PLA2R1: variants seen among roughly 807,000 people sequenced by gnomAD.
The protein encoded by PLA2R1 is secretory phospholipase A2 receptor.
A neutral mutation model predicts 195.9 loss-of-function variants in PLA2R1; 158 were observed. The observed-to-expected ratio is 0.81, with a 90% CI of 0.71 to 0.92. The LOEUF is 0.92. PLA2R1 is among the 40% of genes least tolerant of loss of function. The pLI is 0.00. For missense variants in PLA2R1, 1,626 were observed against 1,764.6 expected (o/e 0.92, Z 1.41); for synonymous variants, 586 against 598.2 (o/e 0.98, Z 0.30).
intron 1 of PLA2R1, among the ~76,000 whole-genome samples, chr2:160,051,594 A>G (rs940106559): frequency 2.6e-5 from 4 of 152,180 alleles, no homozygotes; most frequent in African/African-American, 9.7e-5. Context: ...TATCTGTTCC[A>G]TCTAGTGAAC....
Position 160,062,513 on chromosome 2 carries a change from GCCT to G in PLA2R1, c.-113_-111del, listed in dbSNP as rs1210830914. 13 of 1,350,560 alleles carry G rather than the reference GCCT, an allele frequency of 9.6e-6. No homozygotes were observed. The Middle Eastern group carries it at 8.1e-4, about 84-fold the overall frequency. 83.7% of individuals were successfully genotyped at this position (1,350,560 alleles called of 1,614,324 possible). On this transcript the variant is annotated 5_prime_UTR_variant, in exon 1 of 30. Coordinates refer to ENST00000283243, the MANE Select transcript of PLA2R1 (RefSeq NM_007366.5). The stretch of plus-strand genomic sequence containing the variant: ...CCCGCCGCGCGGAAGCGGATCCGTA[GCCT>G]CCTCCGCGCCCCACCCCCTCCGGGG...
At chr2:159,964,732 C>A (rs1163545713) in intron 20 of PLA2R1, among the ~76,000 whole-genome samples, 2 of 151,898 alleles carry the variant, frequency 1.3e-5, no homozygotes, top group African/African-American at 4.8e-5. Flanking sequence ...TTAAATACTT[C>A]ATTTTTTAAA....
intron 23 of PLA2R1, 132 bp downstream of exon 23, chr2:159,955,067 C>A: frequency 1.5e-6 from 1 of 651,224 alleles, no homozygotes; most frequent in Non-Finnish European, 2.7e-6. Context: ...TATGTAAAGC[C>A]AAAGAAGAAG....
At chr2:160,031,047 T>C (rs1047698662) in intron 4 of PLA2R1, among the ~76,000 whole-genome samples, 5 of 152,228 alleles carry the variant, frequency 3.3e-5, no homozygotes, top group Admixed American at 2.6e-4. Context: ...AAATTGATGT[T>C]TTCCTGCACT....
intron 27 of PLA2R1, chr2:159,946,000 A>G (rs1386461130): frequency 1.7e-5 from 17 of 983,002 alleles, no homozygotes; most frequent in Non-Finnish European, 1.9e-5. Flanking sequence ...CATCTTCATC[A>G]TTACAAAATG....
chr2:159,961,161 C>T (rs974263759), intron 20 of PLA2R1, among the ~76,000 whole-genome samples: 2 of 152,160 alleles, frequency 1.3e-5, no homozygotes, highest in Non-Finnish European at 2.9e-5. Context: ...AGGAGAGAAA[C>T]TCCAGTGGTG....
chr2:159,963,256 C>T (rs887698634), intron 20 of PLA2R1, among the ~76,000 whole-genome samples: 4 of 152,116 alleles, frequency 2.6e-5, no homozygotes, highest in African/African-American at 9.7e-5. Context: ...GTATCAACAA[C>T]CTAAATATAA....
At chr2:160,013,177 A>G in intron 10 of PLA2R1, 86 bp downstream of exon 10, 1 of 592,482 alleles carries the variant, frequency 1.7e-6, no homozygotes, top group Non-Finnish European at 3.1e-6. Flanking sequence ...TAGATTTTGA[A>G]CAGTTATGAT....
intron 2 of PLA2R1, among the ~76,000 whole-genome samples, chr2:160,042,945 A>G (rs1573961723): frequency 6.6e-6 from 1 of 151,784 alleles, no homozygotes; most frequent in African/African-American, 2.4e-5. Context: ...ATGGGCAGTG[A>G]AAGACCTCTC....
At position 159,967,518 on chromosome 2, in the gene PLA2R1, A is replaced by ACTT. The variant is rs1169621458; in HGVS notation, c.2904+18_2904+20dup. The ACTT allele has an allele frequency of 2.5e-6, 4 of 1,605,694 alleles. No homozygotes were observed. In the African/African-American group the frequency reaches 5.4e-5, roughly 22 times the overall value. On this transcript the variant is annotated intron_variant, in intron 20 of 29. Transcript: ENST00000283243. ...TGTCTACAAAAGAGAAACAAAGGCA[A>ACTT]CTTTTGAAAAACAAGCTTACCTTAT...
chr2:159,945,049 G>T lies in PLA2R1; in HGVS notation c.4001C>A (p.Thr1334Lys). The T allele has an allele frequency of 6.2e-7, 1 of 1,613,206 alleles. No individual in the cohort carries two copies. The highest frequency in any genetic ancestry group is 1.3e-5 in the African/African-American group (1 of 75,018). ...CCGAATGCCCCAGTTTGACTGGTCT[G>T]TGGGAGTTCCATCAAACCACTTTAT... ...ETIKWFDGTP[T>K]DQSNWGIRKP... Residue 1334 changes from threonine (T) to lysine (K), a missense_variant, in exon 28 of 30, where the codon ACA becomes AAA. Transcript: ENST00000283243.
chr2:159,964,709 TA>T (rs1553836296), intron 20 of PLA2R1, among the ~76,000 whole-genome samples: 7 of 151,634 alleles, frequency 4.6e-5, no homozygotes, highest in Admixed American at 2.0e-4. Context: ...CCCTTTTTTT[TA>T]AAAAAAAATT....
chr2:160,054,767 A>T (rs1228184315), intron 1 of PLA2R1, among the ~76,000 whole-genome samples: 1 of 152,228 alleles, frequency 6.6e-6, no homozygotes, highest in Admixed American at 6.5e-5. Context: ...TTTATGAACA[A>T]TAATATTTCT....
At chr2:160,030,129 T>A (rs1693769181) in intron 4 of PLA2R1, among the ~76,000 whole-genome samples, 1 of 152,240 alleles carries the variant, frequency 6.6e-6, no homozygotes, top group Non-Finnish European at 1.5e-5. Flanking sequence ...TGTAGTCATA[T>A]AACAAGGCTG....
intron 1 of PLA2R1, among the ~76,000 whole-genome samples, chr2:160,058,504 G>T (rs1165192373): frequency 6.6e-6 from 1 of 152,098 alleles, no homozygotes; most frequent in African/African-American, 2.4e-5. Context: ...ATTAGTGGGG[G>T]ACCATTTCAC....
intron 24 of PLA2R1, among the ~76,000 whole-genome samples, chr2:159,950,221 GTAC>G (rs1687650942): frequency 6.6e-6 from 1 of 152,106 alleles, no homozygotes; most frequent in Non-Finnish European, 1.5e-5. Flanking sequence ...AAAACATTCT[GTAC>G]TACATGATGC....
rs191027410 is a variant in PLA2R1 at position 159,973,212 on chromosome 2, T to C, written c.2595+2856A>G. ...CCCATTCCAGCAGGACGTTCTTAGG[T>C]GTGGGGTTTCTTTCTTACAAAATGT... On this transcript the variant is annotated intron_variant, in intron 17 of 29. Coordinates refer to ENST00000283243, the MANE Select transcript of PLA2R1 (RefSeq NM_007366.5). 2.2e-4 allele frequency among the ~76,000 whole-genome samples: 34 copies of C among 152,244 alleles called. No individual in the cohort carries two copies. The East Asian group carries it at 6.4e-3, about 29-fold the overall frequency.
the PLA2R1 span, among the ~76,000 whole-genome samples, chr2:159,924,882 A>T: frequency 5.9e-5 from 9 of 152,326 alleles, no homozygotes; most frequent in African/African-American, 2.2e-4. Context: ...GTTAAGAATA[A>T]CAGTTGGTTG....
chr2:160,033,249 T>C, intron 3 of PLA2R1, 117 bp from the exon 4 acceptor site: 1 of 686,918 alleles, frequency 1.5e-6, no homozygotes, highest in South Asian at 2.4e-5. Flanking sequence ...CTTCAGGGCC[T>C]TATCTATTCT....
Sources: allele counts gnomAD v4.1 joint callset (sites outside exome capture counted in the v4.1 genomes callset), GRCh38; gene constraint gnomAD v4.1.1; transcripts MANE v1.5; gene names NCBI Gene and HGNC (gene_info 2026-07-23, HGNC 2026-07-21).